Variants in AFF3 observed in about 807,000 individuals in gnomAD.
AFF3 encodes ALF transcription elongation factor 3.
AFF3 carries 32 observed loss-of-function variants against 129.7 expected under a neutral mutation model. That is an observed-to-expected ratio of 0.25 (90% CI 0.19 to 0.33). The LOEUF (loss-of-function observed/expected upper bound fraction) is 0.33. Ranked by LOEUF, AFF3 falls within the 10% of genes least tolerant of loss-of-function variation. The pLI is 1.00. For missense variants in AFF3, 1,373 were observed against 1,592.0 expected (o/e 0.86, Z 2.34); for synonymous variants, 644 against 635.4 (o/e 1.01, Z -0.20).
At chr2:99,992,572 C>A (rs1237588719) in intron 7 of AFF3, among the ~76,000 whole-genome samples, 1 of 152,150 alleles carries the variant, frequency 6.6e-6, no homozygotes, top group East Asian at 1.9e-4. Context: ...CTGTCTTTAT[C>A]AAAAATTTCT....
At chr2:99,692,193 C>T (rs1675733316) in intron 11 of AFF3, among the ~76,000 whole-genome samples, 1 of 152,152 alleles carries the variant, frequency 6.6e-6, no homozygotes, top group Non-Finnish European at 1.5e-5. Flanking sequence ...CTCCTCCTGC[C>T]CAAATCCAGA....
At chr2:99,994,257 G>C (rs1254184542) in intron 7 of AFF3, among the ~76,000 whole-genome samples, 1 of 152,154 alleles carries the variant, frequency 6.6e-6, no homozygotes, top group Non-Finnish European at 1.5e-5. Context: ...GACTCAAATA[G>C]AAAGAACGAA....
At chr2:100,071,539 A>T (rs1342045488) in intron 4 of AFF3, among the ~76,000 whole-genome samples, 2 of 152,180 alleles carry the variant, frequency 1.3e-5, no homozygotes, top group African/African-American at 4.8e-5. Flanking sequence ...GGAGAGAGGA[A>T]GTGTGGTTCT....
chr2:99,641,614 G>T (rs1684199219), intron 13 of AFF3, among the ~76,000 whole-genome samples: 1 of 152,110 alleles, frequency 6.6e-6, no homozygotes, highest in East Asian at 1.9e-4. Context: ...GGAGGTGGAG[G>T]TTGCAGTGAA....
intron 13 of AFF3, among the ~76,000 whole-genome samples, chr2:99,607,226 C>A (rs1242705740): frequency 6.6e-6 from 1 of 151,994 alleles, no homozygotes; most frequent in African/African-American, 2.4e-5. Flanking sequence ...AGTCTGAATG[C>A]AGATCATAAA....
intron 4 of AFF3, among the ~76,000 whole-genome samples, chr2:100,014,783 CTTTTT>C (rs60456923): frequency 7.5e-5 from 9 of 120,402 alleles, no homozygotes; most frequent in African/African-American, 3.0e-4. Context: ...ACCTTGCTTC[CTTTTT>C]TTTTTTTTTT....
At chr2:100,079,141 T>C (rs993103771) in intron 4 of AFF3, among the ~76,000 whole-genome samples, 28 of 151,866 alleles carry the variant, frequency 1.8e-4, no homozygotes, top group African/African-American at 6.8e-4. Flanking sequence ...AGAGACGGAG[T>C]TTCACCGTAT....
chr2:99,564,702 G>A (rs1675804109), intron 20 of AFF3, among the ~76,000 whole-genome samples: 1 of 152,202 alleles, frequency 6.6e-6, no homozygotes. Flanking sequence ...CATGCAGAAT[G>A]TTTGGACATG....
In AFF3 at chr2:99,546,968, G is replaced by A. The variant is rs763902539; in HGVS notation, c.*4506C>T. 7 of 221,780 alleles carry A rather than the reference G, an allele frequency of 3.2e-5. No individual in the cohort carries two copies. Among genetic ancestry groups the A allele is most frequent in the African/African-American group, 6.7e-5 (3 of 44,786 alleles). 13.7% of individuals were successfully genotyped at this position (221,780 alleles called of 1,614,324 possible). A position where few individuals can be genotyped will look rare whatever the true frequency, so the allele number is the denominator to read the frequency against. ...TGTGCATACGTGCATGCATGTGCGC[G>A]CGTGTGTGCGTATGTGTATGTATCA... On this transcript the variant is annotated 3_prime_UTR_variant, in exon 25 of 25. Coordinates refer to ENST00000672756, the MANE Select transcript of AFF3 (RefSeq NM_001386135.1).
chr2:99,587,449 A>G lies in AFF3; in HGVS notation c.2467-171T>C, dbSNP rs562028702. Among the ~76,000 whole-genome samples the G allele has an allele frequency of 5.3e-5, 8 of 152,290 alleles. No individual in the cohort carries two copies. The South Asian group carries it at 1.5e-3, about 28-fold the overall frequency. ...GCCATAGCTTCCCCATTAGCTCCTCAACAAGCAAGGATGAAATCTGTCAGT... is the reference window on the plus strand; with the variant it reads ...GCCATAGCTTCCCCATTAGCTCCTCGACAAGCAAGGATGAAATCTGTCAGT... On this transcript the variant is annotated intron_variant, in intron 15 of 24. Transcript: ENST00000672756.
At chr2:99,655,270 G>C (rs1685651392) in intron 12 of AFF3, among the ~76,000 whole-genome samples, 1 of 144,358 alleles carries the variant, frequency 6.9e-6, no homozygotes, top group African/African-American at 2.6e-5. Context: ...ACACACAGCA[G>C]TCTACATTCC....
intron 8 of AFF3, among the ~76,000 whole-genome samples, chr2:99,815,146 A>G (rs1248024128): frequency 3.5e-3 from 9 of 2,550 alleles, no homozygotes; most frequent in Admixed American, 0.028. Flanking sequence ...AGTAGCCCAC[A>G]AAAAAGGTCT....
At chr2:99,783,768 T>C (rs1239526600) in intron 8 of AFF3, among the ~76,000 whole-genome samples, 1 of 152,164 alleles carries the variant, frequency 6.6e-6, no homozygotes, top group Non-Finnish European at 1.5e-5. Context: ...ATACTGAAGG[T>C]ATATATCCAG....
chr2:99,609,036 G>A (rs920925849), intron 13 of AFF3, among the ~76,000 whole-genome samples: 14 of 151,942 alleles, frequency 9.2e-5, no homozygotes, highest in Non-Finnish European at 1.8e-4. Flanking sequence ...AGACTAGCAG[G>A]GCCAGGGACA....
intron 7 of AFF3, among the ~76,000 whole-genome samples, chr2:99,894,292 A>T (rs1693774889): frequency 6.6e-6 from 1 of 151,900 alleles, no homozygotes; most frequent in African/African-American, 2.4e-5. Flanking sequence ...CTAGAAGGAC[A>T]CACAAGGTAA....
At position 99,593,439 on chromosome 2, in the gene AFF3, T is replaced by A. The variant is rs1455906941; in HGVS notation, c.2222A>T (p.Gln741Leu). 1 of 1,613,930 alleles carries A rather than the reference T, an allele frequency of 6.2e-7. No individual in the cohort carries two copies. The highest frequency in any genetic ancestry group is 1.3e-5 in the African/African-American group (1 of 74,898). Residue 741 changes from glutamine (Q) to leucine (L), a missense_variant, in exon 15 of 25, where the codon CAG becomes CTG. Around this residue, in one of 9 missense-constraint regions of AFF3, gnomAD observed 466 missense variants for 505.0 expected, o/e 0.92. Transcript: ENST00000672756. The part of the protein sequence containing the change: ...TSDIAKELEE[Q>L]FYTLVPFGRN... ...GCCAAAGGGGACCAGTGTGTAGAAC[T>A]GCTCCTCCAGCTCCTTGGCGATGTC...
At chr2:99,802,427 G>A (rs1271822028) in intron 8 of AFF3, among the ~76,000 whole-genome samples, 2 of 152,168 alleles carry the variant, frequency 1.3e-5, no homozygotes, top group Admixed American at 6.5e-5. Flanking sequence ...TTGGGAGGCT[G>A]AGGTGGGAGG....
intron 11 of AFF3, among the ~76,000 whole-genome samples, chr2:99,726,526 T>C (rs1679375777): frequency 6.6e-6 from 1 of 152,236 alleles, no homozygotes; most frequent in Admixed American, 6.5e-5. Flanking sequence ...ATATTTGGAT[T>C]CCTTGAATAT....
At chr2:99,563,810 CAAAAAAAAAA>C (rs34843347) in intron 20 of AFF3, among the ~76,000 whole-genome samples, 1 of 76,078 alleles carries the variant, frequency 1.3e-5, no homozygotes, top group Non-Finnish European at 2.4e-5. Flanking sequence ...AATTTAGTCT[CAAAAAAAAAA>C]AAAAAAAAAA....
Sources: gnomAD v4.1 joint callset for allele counts (sites outside exome capture counted in the v4.1 genomes callset) on GRCh38, gnomAD v4.1.1 for gene constraint, gnomAD v4.1.1 regional missense constraint, MANE v1.5 for transcripts, NCBI Gene and HGNC (gene_info 2026-07-23, HGNC 2026-07-21) for gene names.